CTIF: variants seen among roughly 807,000 people sequenced by gnomAD.
The protein encoded by CTIF is cap binding complex dependent translation initiation factor.
A neutral mutation model predicts 66.0 loss-of-function variants in CTIF; 21 were observed. The ratio of observed to expected loss-of-function variants is 0.32; its 90% CI spans 0.23 to 0.46. CTIF has a LOEUF of 0.46. CTIF is among the 20% of genes least tolerant of loss of function. The pLI, the probability that CTIF is intolerant of heterozygous loss-of-function variation, is 1.00. For synonymous variants in CTIF, 345 were observed against 326.4 expected (o/e 1.06, Z -0.62); for missense variants, 739 against 812.7 (o/e 0.91, Z 1.10).
intron 1 of CTIF, among the ~76,000 whole-genome samples, chr18:48,578,207 T>C (rs1163402170): frequency 1.3e-5 from 2 of 152,248 alleles, no homozygotes; most frequent in Non-Finnish European, 2.9e-5. Context: ...CTCTACATTT[T>C]ATGTATTCCT....
At chr18:48,724,010 A>C (rs1279904522) in intron 7 of CTIF, among the ~76,000 whole-genome samples, 1 of 152,178 alleles carries the variant, frequency 6.6e-6, no homozygotes, top group Non-Finnish European at 1.5e-5. Flanking sequence ...CTTAGCACCC[A>C]CGGGGGAAAT....
At chr18:48,723,699 G>T (rs2092361954) in intron 7 of CTIF, among the ~76,000 whole-genome samples, 1 of 152,142 alleles carries the variant, frequency 6.6e-6, no homozygotes, top group Non-Finnish European at 1.5e-5. Flanking sequence ...CACTCCTCAG[G>T]GCTCCCCAGG....
chr18:48,617,982 C>T (rs1451111079), intron 1 of CTIF, among the ~76,000 whole-genome samples: 1 of 152,242 alleles, frequency 6.6e-6, no homozygotes, highest in Admixed American at 6.5e-5. Context: ...GCTGGGAAAG[C>T]AGAGGAAGAT....
chr18:48,546,602 C>G (rs969461461), intron 1 of CTIF, among the ~76,000 whole-genome samples: 4 of 152,052 alleles, frequency 2.6e-5, no homozygotes, highest in African/African-American at 9.7e-5. Flanking sequence ...ACGGTGAGCT[C>G]CAGCTGAGGC....
At chr18:48,689,328 T>C (rs936391222) in intron 6 of CTIF, among the ~76,000 whole-genome samples, 1 of 152,134 alleles carries the variant, frequency 6.6e-6, no homozygotes, top group African/African-American at 2.4e-5. Context: ...ATAACTCAAA[T>C]CTATGAGGAC....
At chr18:48,600,545 C>G (rs1223692130) in intron 1 of CTIF, among the ~76,000 whole-genome samples, 5 of 152,078 alleles carry the variant, frequency 3.3e-5, no homozygotes, top group African/African-American at 9.7e-5. Flanking sequence ...ATCCCAAGGT[C>G]TAGCACAGTG....
intron 1 of CTIF, among the ~76,000 whole-genome samples, chr18:48,563,958 A>C (rs1040151420): frequency 1.3e-5 from 2 of 152,168 alleles, no homozygotes; most frequent in Non-Finnish European, 2.9e-5. Flanking sequence ...AAAAGGCTCA[A>C]AGACTTCCTG....
chr18:48,660,846 G>T (rs917272499), intron 3 of CTIF, among the ~76,000 whole-genome samples: 6 of 152,208 alleles, frequency 3.9e-5, no homozygotes, highest in African/African-American at 1.4e-4. Context: ...CCATCTTCCT[G>T]GAAGATGCTT....
intron 6 of CTIF, chr18:48,688,404 A>AG (rs1248300392): frequency 6.6e-6 from 1 of 152,306 alleles, no homozygotes; most frequent in East Asian, 1.9e-4. Context: ...GCTCAGGTAT[A>AG]GGGGTGCCAA....
chr18:48,557,105 G>A (rs901679909), intron 1 of CTIF, among the ~76,000 whole-genome samples: 1 of 152,110 alleles, frequency 6.6e-6, no homozygotes, highest in African/African-American at 2.4e-5. Flanking sequence ...AGGAGGGGTG[G>A]GGCTGTAAAA....
chr18:48,798,807 C>T (rs527390246), intron 9 of CTIF, among the ~76,000 whole-genome samples: 2 of 152,306 alleles, frequency 1.3e-5, no homozygotes, highest in Admixed American at 1.3e-4. Flanking sequence ...AGACACTTGG[C>T]AACGTCTGGA....
At chr18:48,603,792 C>T (rs189285093) in intron 1 of CTIF, among the ~76,000 whole-genome samples, 50 of 152,050 alleles carry the variant, frequency 3.3e-4, no homozygotes, top group African/African-American at 1.1e-3. Context: ...AACAGATACC[C>T]TTCCAGGAAG....
intron 1 of CTIF, among the ~76,000 whole-genome samples, chr18:48,553,659 CCTTTTTTTTTTTT>C (rs376503441): frequency 0.041 from 6,185 of 151,014 alleles, 428 homozygotes; most frequent in African/African-American, 0.14. Context: ...TTTTCTTTTT[CCTTTTTTTTTTTT>C]TTGAGACAAG....
intron 1 of CTIF, among the ~76,000 whole-genome samples, chr18:48,548,022 T>C (rs1310756756): frequency 1.3e-5 from 2 of 152,196 alleles, no homozygotes; most frequent in Admixed American, 1.3e-4. Context: ...ATTGAGTGCC[T>C]GTTAAATGCC....
chr18:48,631,873 G>T (rs2090724166), intron 2 of CTIF, among the ~76,000 whole-genome samples: 1 of 152,148 alleles, frequency 6.6e-6, no homozygotes, highest in Non-Finnish European at 1.5e-5. Flanking sequence ...TGTTTGCCTT[G>T]AAAGGGAAAT....
At chr18:48,681,014 G>A (rs546401438) in intron 6 of CTIF, among the ~76,000 whole-genome samples, 11 of 152,182 alleles carry the variant, frequency 7.2e-5, no homozygotes, top group African/African-American at 7.2e-5. Flanking sequence ...AATGGGCCTC[G>A]GCTCCCAGGC....
At chr18:48,584,369 G>T (rs184444240) in intron 1 of CTIF, among the ~76,000 whole-genome samples, 180 of 152,200 alleles carry the variant, frequency 1.2e-3, no homozygotes, top group African/African-American at 4.2e-3. Context: ...AGAAACCAGG[G>T]ACTATTACTA....
chr18:48,761,285 C>T lies in CTIF; in HGVS notation c.1072-105C>T, dbSNP rs994309612. Reference sequence around the variant, plus strand: ...CAGCCCTCAGATCCAGGGAAGTAGGCCTGGTCCTGCTTTCTGGGGGTGGCC... The same window carrying T: ...CAGCCCTCAGATCCAGGGAAGTAGGTCTGGTCCTGCTTTCTGGGGGTGGCC... On this transcript the variant is annotated intron_variant, in intron 8 of 11. Coordinates refer to ENST00000256413, the MANE Select transcript of CTIF (RefSeq NM_014772.3). The surrounding 1 kb of genome is among the most constrained non-coding windows in gnomAD (Gnocchi z 4.2). 9.3e-6 allele frequency: 10 copies of T among 1,072,010 alleles called. No individual in the cohort carries two copies. The highest frequency in any genetic ancestry group is 1.6e-5 in the African/African-American group (1 of 63,550). 66.4% of individuals were successfully genotyped at this position (1,072,010 alleles called of 1,614,324 possible).
intron 1 of CTIF, among the ~76,000 whole-genome samples, chr18:48,596,541 C>T (rs574579920): frequency 4.0e-5 from 6 of 150,960 alleles, no homozygotes; most frequent in South Asian, 4.2e-4. Flanking sequence ...AATGCAGTGG[C>T]GGGACCTTGG....
Sources: allele counts gnomAD v4.1 joint callset (sites outside exome capture counted in the v4.1 genomes callset), GRCh38; gene constraint gnomAD v4.1.1; non-coding constraint Gnocchi (gnomAD v3.1); transcripts MANE v1.5; gene names NCBI Gene and HGNC (gene_info 2026-07-23, HGNC 2026-07-21).